Variants in SDHAF2 observed in about 807,000 individuals in gnomAD.
SDHAF2 encodes succinate dehydrogenase complex assembly factor 2.
Under a neutral mutation model 18.5 loss-of-function variants are expected in SDHAF2, and 21 were observed. That is an observed-to-expected ratio of 1.13 (90% CI 0.80 to 1.63). SDHAF2 has a LOEUF of 1.63. SDHAF2 is among the 40% of genes most tolerant of loss of function. The pLI is 0.00. For missense variants in SDHAF2, 195 were observed against 200.3 expected (o/e 0.97, Z 0.16); for synonymous variants, 84 against 70.7 (o/e 1.19, Z -0.94).
At chr11:61,430,745 T>C (rs1861872867) in intron 1 of SDHAF2, 1 of 153,212 alleles carries the variant, frequency 6.5e-6, no homozygotes, top group Non-Finnish European at 1.5e-5. Context: ...GTAGTCACTC[T>C]AATATGTAAT....
chr11:61,437,687 C>T lies in SDHAF2; in HGVS notation c.99C>T (p.Arg33=), dbSNP rs753325226. The T allele has an allele frequency of 9.9e-6, 16 of 1,614,210 alleles. No individual in the cohort carries two copies. In the South Asian group the frequency reaches 1.6e-4, roughly 17 times the overall value. Residue 33 remains arginine, a synonymous_variant, in exon 2 of 4, where the codon CGC becomes CGT. Coordinates refer to ENST00000301761, the MANE Select transcript of SDHAF2 (RefSeq NM_017841.4). ...SPLLSVTSFR[R]FYRGDSPTDS... is the part of the protein sequence containing the mutation. ...TGCTCAGTGTGACATCATTCAGACG[C>T]TTCTACAGAGGTGACAGCCCAACAG... is the stretch of plus-strand genomic sequence containing the variant.
intron 1 of SDHAF2, chr11:61,432,978 C>T (rs534091100): frequency 6.6e-6 from 1 of 151,924 alleles, no homozygotes; most frequent in Admixed American, 6.5e-5. Context: ...AAGTGACTTA[C>T]ATACCACAGT....
intron 3 of SDHAF2, 75 bp from the exon 4 acceptor site, chr11:61,445,866 T>G (rs1590769217): frequency 1.9e-6 from 3 of 1,546,012 alleles, no homozygotes; most frequent in Non-Finnish European, 2.7e-6. Flanking sequence ...GGCCAGTGTT[T>G]CGAGTTTTAA....
chr11:61,446,073 C>A lies in SDHAF2; in HGVS notation c.*2C>A. ...TACCTCTTTGAAAAGCCACGTTGAG[C>A]TGTGCTCCACGGCCTGGCATGGGGG... On this transcript the variant is annotated 3_prime_UTR_variant, in exon 4 of 4. Coordinates refer to ENST00000301761, the MANE Select transcript of SDHAF2 (RefSeq NM_017841.4). The A allele has an allele frequency of 6.2e-7, 1 of 1,614,190 alleles. No individual in the cohort carries two copies. The highest frequency in any genetic ancestry group is 8.5e-7 in the Non-Finnish European group (1 of 1,180,030).
chr11:61,430,543 G>T (rs1861862422), intron 1 of SDHAF2: 3 of 378,334 alleles, frequency 7.9e-6, no homozygotes, highest in Non-Finnish European at 9.5e-6. Context: ...CTTTTTGTTT[G>T]TTTATAATTG....
At chr11:61,438,193 T>A in intron 3 of SDHAF2, 80 bp downstream of exon 3, 1 of 1,112,852 alleles carries the variant, frequency 9.0e-7, no homozygotes, top group Non-Finnish European at 1.3e-6. Flanking sequence ...TCCTAGATAA[T>A]TTTTTTCTTT....
intron 3 of SDHAF2, among the ~76,000 whole-genome samples, chr11:61,442,139 T>C (rs1363515458): frequency 6.6e-6 from 1 of 152,132 alleles, no homozygotes; most frequent in Non-Finnish European, 1.5e-5. Flanking sequence ...GCAATCCACC[T>C]GCCTCGGCCT....
chr11:61,444,612 G>A (rs1399268891), intron 3 of SDHAF2, among the ~76,000 whole-genome samples: 9 of 152,040 alleles, frequency 5.9e-5, no homozygotes, highest in Non-Finnish European at 1.3e-4. Flanking sequence ...GCGTGGTGGC[G>A]GGCGCCTGTG....
At chr11:61,440,931 G>A (rs1862058128) in intron 3 of SDHAF2, among the ~76,000 whole-genome samples, 1 of 152,134 alleles carries the variant, frequency 6.6e-6, no homozygotes, top group Non-Finnish European at 1.5e-5. Flanking sequence ...GCTGGATGCA[G>A]TGGCTCACAC....
chr11:61,435,069 C>T (rs367774834), intron 1 of SDHAF2: 3 of 151,880 alleles, frequency 2.0e-5, no homozygotes, highest in East Asian at 1.9e-4. Flanking sequence ...TTTTTAGAGA[C>T]GGGGTCTCAC....
chr11:61,438,230 A>G, intron 3 of SDHAF2, 117 bp downstream of exon 3: 1 of 793,024 alleles, frequency 1.3e-6, no homozygotes, highest in Non-Finnish European at 2.1e-6. Flanking sequence ...ACTGAGTTTC[A>G]CTCTCGTTGC....
chr11:61,441,716 T>C (rs1862067810), intron 3 of SDHAF2, among the ~76,000 whole-genome samples: 1 of 151,964 alleles, frequency 6.6e-6, no homozygotes, highest in African/African-American at 2.4e-5. Flanking sequence ...ATTATCAGGG[T>C]TTTGTTTTTG....
rs1036687649 is a variant in SDHAF2 at position 61,439,009 on chromosome 11, A to G, written c.370+896A>G. ...CAGTGAGCTGAGATTGCACCACTGC[A>G]CTCCATCCTGGGCAAAAGAGTGAGA... On this transcript the variant is annotated intron_variant, in intron 3 of 3. Coordinates refer to ENST00000301761, the MANE Select transcript of SDHAF2 (RefSeq NM_017841.4). 5.9e-5 allele frequency among the ~76,000 whole-genome samples: 9 copies of G among 152,074 alleles called. No individual in the cohort carries two copies. The East Asian group carries it at 9.7e-4, about 16-fold the overall frequency.
intron 3 of SDHAF2, 103 bp downstream of exon 3, chr11:61,438,216 T>TC (rs397723863): frequency 1.1e-6 from 1 of 938,258 alleles, no homozygotes; most frequent in African/African-American, 1.7e-5. Flanking sequence ...TTTTTTTTTT[T>TC]GAGACTGAGT....
In SDHAF2 at chr11:61,437,668, G is replaced by T. The variant is rs759472787; in HGVS notation, c.80G>T (p.Ser27Ile). 6.2e-7 allele frequency: 1 copy of T among 1,614,188 alleles called. No homozygotes were observed. The highest frequency in any genetic ancestry group is 8.5e-7 in the Non-Finnish European group (1 of 1,180,036). ...SRHSLLSPLL[S>I]VTSFRRFYRG... ...CACAGCCTATTGTCTCCTTTGCTCA[G>T]TGTGACATCATTCAGACGCTTCTAC... is the stretch of plus-strand genomic sequence containing the variant. Residue 27 changes from serine to isoleucine, a missense_variant, in exon 2 of 4, where the codon AGT (serine) becomes ATT (isoleucine). Physicochemically the swap from Ser to Ile is moderately radical, Grantham distance 142. Transcript: ENST00000301761.
At position 61,437,788 on chromosome 11, in the gene SDHAF2, G is replaced by A. The variant is rs1168623140; in HGVS notation, c.200G>A (p.Arg67Lys). ...ACTGATGAATCCATAGAAACCAAAA[G>A]AGCCCGCCTGCTCTATGAGAGCAGA... The part of the protein sequence containing the change: ...ERTDESIETK[R>K]ARLLYESRKR... The change falls in exon 2 of 4, where the codon AGA (arginine) becomes AAA (lysine). Residue 67 changes from arginine to lysine, a missense_variant. Coordinates refer to ENST00000301761, the MANE Select transcript of SDHAF2 (RefSeq NM_017841.4). 2.5e-6 allele frequency: 4 copies of A among 1,613,976 alleles called. No homozygotes were observed. In the South Asian group the frequency reaches 3.3e-5, roughly 13 times the overall value.
chr11:61,446,273 G>T lies in SDHAF2; in HGVS notation c.*202G>T. 1 of 646,880 alleles carries T rather than the reference G, an allele frequency of 1.5e-6. No individual in the cohort carries two copies. The highest frequency in any genetic ancestry group is 2.7e-5 in the East Asian group (1 of 36,622). 40.1% of individuals were successfully genotyped at this position (646,880 alleles called of 1,614,324 possible). On this transcript the variant is annotated 3_prime_UTR_variant, in exon 4 of 4. Coordinates refer to ENST00000301761, the MANE Select transcript of SDHAF2 (RefSeq NM_017841.4). ...ACTCATTCTCATACTTTTTTGTTCA[G>T]CTCTGAGCCTCAAAAGTGATTTGTC...
chr11:61,432,976 T>A (rs1177800288), intron 1 of SDHAF2: 1 of 152,028 alleles, frequency 6.6e-6, no homozygotes, highest in Non-Finnish European at 1.5e-5. Flanking sequence ...AAAAGTGACT[T>A]ACATACCACA....
chr11:61,430,496 C>G (rs1353813774), intron 1 of SDHAF2: 13 of 501,316 alleles, frequency 2.6e-5, no homozygotes, highest in Admixed American at 7.3e-5. Flanking sequence ...GTTCTTTAGT[C>G]TTTAATGCTT....
Sources: gnomAD v4.1 joint callset for allele counts (sites outside exome capture counted in the v4.1 genomes callset) on GRCh38, gnomAD v4.1.1 for gene constraint, MANE v1.5 for transcripts, NCBI Gene and HGNC (gene_info 2026-07-23, HGNC 2026-07-21) for gene names.